Variants in ANK3 observed in about 807,000 individuals in gnomAD.
ANK3 encodes ankyrin-3.
Under a neutral mutation model 370.9 loss-of-function variants are expected in ANK3, and 57 were observed. That is an observed-to-expected ratio of 0.15 (90% CI 0.12 to 0.19). The LOEUF (loss-of-function observed/expected upper bound fraction) is 0.19, where lower values mean the gene tolerates loss of function less well. Among genes scored for constraint, ANK3 ranks in the 10% least tolerant of loss-of-function variants. ANK3 has a pLI of 1.00. For missense variants in ANK3, 4,439 were observed against 5,302.1 expected (o/e 0.84, Z 5.06); for synonymous variants, 1,929 against 1,946.3 (o/e 0.99, Z 0.23).
chr10:60,233,613 A>G (rs1483935085), intron 8 of ANK3, among the ~76,000 whole-genome samples: 2 of 151,854 alleles, frequency 1.3e-5, no homozygotes, highest in Non-Finnish European at 2.9e-5. Context: ...GTTCTCTTTT[A>G]TTGGTAGAGA....
intron 16 of ANK3, among the ~76,000 whole-genome samples, chr10:60,189,515 A>C (rs529925516): frequency 5.9e-5 from 9 of 152,368 alleles, no homozygotes; most frequent in African/African-American, 2.2e-4. Flanking sequence ...AAAGTGACTC[A>C]GGTATTATTT....
At chr10:60,469,311 C>T (rs2065121080) in intron 2 of ANK3, among the ~76,000 whole-genome samples, 1 of 144,252 alleles carries the variant, frequency 6.9e-6, no homozygotes, top group African/African-American at 2.5e-5. Context: ...ATATATACCA[C>T]TTTTAGTGTA....
intron 1 of ANK3, among the ~76,000 whole-genome samples, chr10:60,287,176 T>C (rs771413374): frequency 2.9e-4 from 44 of 152,208 alleles, no homozygotes; most frequent in Admixed American, 5.9e-4. Context: ...TACAACCAAG[T>C]AAAACAGTTT....
At chr10:60,254,230 TTG>T (rs2097705496) in intron 7 of ANK3, among the ~76,000 whole-genome samples, 1 of 134,738 alleles carries the variant, frequency 7.4e-6, no homozygotes, top group Admixed American at 7.7e-5. Context: ...TTCTTTTTTA[TTG>T]TTTTTTTTTT....
At chr10:60,568,017 G>A (rs1208702519) in intron 2 of ANK3, among the ~76,000 whole-genome samples, 1 of 152,158 alleles carries the variant, frequency 6.6e-6, no homozygotes, top group Non-Finnish European at 1.5e-5. Context: ...CAAAGAAAGT[G>A]GTTCCTTGAG....
rs71018916 is a variant in ANK3, at chr10:60,648,319, ATT to A, written c.58-33097_58-33096del. On this transcript the variant is annotated intron_variant, in intron 1 of 43. Transcript: ENST00000373827. ...AGGCATGAGCCACCATGCCCGGCTA[ATT>A]TTTTTTTTTTTGTATTTTTAATAGA... Among the ~76,000 whole-genome samples the A allele has an allele frequency of 2.1e-3, 271 of 127,368 alleles. 1 individual carries two copies. Among genetic ancestry groups the A allele is most frequent in the African/African-American group, 7.5e-3 (254 of 33,824 alleles). 83.6% of individuals were successfully genotyped at this position (127,368 alleles called of 152,430 possible).
chr10:60,290,418 T>G (rs2041075523), intron 1 of ANK3, among the ~76,000 whole-genome samples: 1 of 151,950 alleles, frequency 6.6e-6, no homozygotes, highest in Non-Finnish European at 1.5e-5. Context: ...TTTACTTAAC[T>G]GTTATCCAGT....
intron 1 of ANK3, among the ~76,000 whole-genome samples, chr10:60,359,382 T>A (rs1399220279): frequency 6.6e-6 from 1 of 152,180 alleles, no homozygotes. Context: ...AGTGGCTCCC[T>A]TGGATCAATT....
At chr10:60,409,565 C>T (rs981539781) in intron 2 of ANK3, among the ~76,000 whole-genome samples, 1 of 152,126 alleles carries the variant, frequency 6.6e-6, no homozygotes, top group Non-Finnish European at 1.5e-5. Flanking sequence ...GTTCCTTTTG[C>T]AAAAGGAGTC....
chr10:60,054,538 C>T (rs894700977), intron 42 of ANK3, among the ~76,000 whole-genome samples: 4 of 152,108 alleles, frequency 2.6e-5, no homozygotes, highest in African/African-American at 9.7e-5. Flanking sequence ...AATAGATGAT[C>T]TAGAACTAAA....
At chr10:60,331,410 GA>G (rs200126631) in intron 1 of ANK3, among the ~76,000 whole-genome samples, 19 of 150,776 alleles carry the variant, frequency 1.3e-4, no homozygotes, top group Admixed American at 4.0e-4. Flanking sequence ...CAGAAGATTG[GA>G]AAAAAAACAA....
chr10:60,150,545 T>C (rs935467942), intron 23 of ANK3, among the ~76,000 whole-genome samples: 1 of 152,134 alleles, frequency 6.6e-6, no homozygotes, highest in Non-Finnish European at 1.5e-5. Context: ...TGAGCCCCAG[T>C]GTTGGAGGTA....
Position 60,075,151 on chromosome 10 carries a change from C to T in ANK3, c.5730G>A (p.Glu1910=), listed in dbSNP as rs766944654. 5.0e-6 allele frequency: 8 copies of T among 1,614,142 alleles called. No homozygotes were observed. Among genetic ancestry groups the T allele is most frequent in the Non-Finnish European group, 6.8e-6 (8 of 1,180,024 alleles). ...EILKDVAEMK[E]DLMRMTAILQ... Reference sequence around the variant, plus strand: ...GTATTGCGGTCATCCGCATTAGGTCCTCTTTCATTTCAGCTACATCTTTTA... The same window carrying T: ...GTATTGCGGTCATCCGCATTAGGTCTTCTTTCATTTCAGCTACATCTTTTA... The change falls in exon 37 of 44, where the codon GAG becomes GAA. Residue 1910 remains glutamate (E), a synonymous_variant. Coordinates refer to ENST00000280772, the MANE Select transcript of ANK3 (RefSeq NM_020987.5).
In ANK3 at chr10:60,232,145, G is replaced by C. The variant is rs140946268; in HGVS notation, c.897+2543C>G. The stretch of plus-strand genomic sequence containing the variant: ...GTATCCTTTTCTCCTCCCATTGAAC[G>C]AAATAGGACATGTAAGTGTTTGACA... On this transcript the variant is annotated intron_variant, in intron 8 of 43. Coordinates refer to ENST00000280772, the MANE Select transcript of ANK3 (RefSeq NM_020987.5). Among the ~76,000 whole-genome samples the C allele has an allele frequency of 2.4e-3, 363 of 152,208 alleles. 1 individual carries two copies. The highest frequency in any genetic ancestry group is 8.4e-3 in the African/African-American group (348 of 41,502).
At chr10:60,599,761 C>G (rs2078035054) in intron 2 of ANK3, among the ~76,000 whole-genome samples, 1 of 152,152 alleles carries the variant, frequency 6.6e-6, no homozygotes, top group African/African-American at 2.4e-5. Context: ...TTTTAAAACT[C>G]ATGTCCCTCT....
intron 1 of ANK3, among the ~76,000 whole-genome samples, chr10:60,664,185 C>G (rs1162980075): frequency 6.6e-6 from 1 of 152,220 alleles, no homozygotes; most frequent in Admixed American, 6.5e-5. Context: ...CCAAGAATTT[C>G]TAGATGGTTC....
At chr10:60,106,616 TGG>T (rs761322609) in intron 27 of ANK3, among the ~76,000 whole-genome samples, 32,954 of 151,800 alleles carry the variant, frequency 0.22, 4,282 homozygotes, top group East Asian at 0.59. Flanking sequence ...ATTTGTGAAA[TGG>T]TAGTAGGTAG....
intron 42 of ANK3, chr10:60,053,858 C>A: frequency 1.7e-6 from 1 of 573,274 alleles, no homozygotes; most frequent in Non-Finnish European, 2.5e-6. Context: ...CTTGTGAGGT[C>A]AGGTTCATGT....
rs114165141 is a variant in ANK3 at position 60,480,601 on chromosome 10, T to G, written c.96+134585A>C. 7.2e-3 allele frequency among the ~76,000 whole-genome samples: 1,092 copies of G among 152,224 alleles called. 15 individuals carry two copies. Among genetic ancestry groups the G allele is most frequent in the African/African-American group, 0.025 (1,040 of 41,536 alleles). ...ATCTCTTAAGCACTTTGTTAGAAAT[T>G]GGAAAGACAATGATAAATAAGACAG... On this transcript the variant is annotated intron_variant, in intron 2 of 43. Coordinates refer to the ANK3 transcript ENST00000373827.
Sources: gnomAD v4.1 joint callset for allele counts (sites outside exome capture counted in the v4.1 genomes callset) on GRCh38, gnomAD v4.1.1 for gene constraint, MANE v1.5 for transcripts, NCBI Gene and HGNC (gene_info 2026-07-23, HGNC 2026-07-21) for gene names.